Variants in VBP1 observed in about 807,000 individuals in gnomAD.
VBP1 encodes the protein prefoldin subunit 3.
Under a neutral mutation model 15.5 loss-of-function variants are expected in VBP1, and 4 were observed. That is an observed-to-expected ratio of 0.26 (90% CI 0.13 to 0.59). The LOEUF (loss-of-function observed/expected upper bound fraction) is 0.59, where lower values mean the gene tolerates loss of function less well. VBP1 is among the 20% of genes least tolerant of loss of function. The pLI, the probability that VBP1 is intolerant of heterozygous loss-of-function variation, is 0.90. For synonymous variants in VBP1, 61 were observed against 52.1 expected, an observed-to-expected ratio of 1.17 and a Z score of -0.74; for missense variants, 108 against 139.6, an observed-to-expected ratio of 0.77 and a Z score of 1.14.
At chrX:155,198,518 G>A (rs1557306963) in intron 1 of VBP1, among the ~76,000 whole-genome samples, 1 of 111,702 alleles carries the variant, frequency 9.0e-6, no homozygotes, top group Non-Finnish European at 1.9e-5. Context: ...TGGACCTCTA[G>A]CAAACTCCAA....
At chrX:155,211,897 CTGTGCCA>C (rs2124053296), upstream of VBP1, among the ~76,000 whole-genome samples, 1 of 111,894 alleles carries the variant, frequency 8.9e-6, no homozygotes, top group African/African-American at 3.2e-5. Context: ...GTTTCTTATT[CTGTGCCA>C]TATCCATGCC....
intron 4 of VBP1, among the ~76,000 whole-genome samples, chrX:155,229,653 C>T (rs2074736457): frequency 2.7e-5 from 3 of 111,381 alleles, no homozygotes. Flanking sequence ...AACTGTTCTT[C>T]TGTTTCTCTT....
chrX:155,216,452 C>T, upstream of VBP1: 1 of 1,162,717 alleles, frequency 8.6e-7, no homozygotes, highest in East Asian at 3.3e-5. Flanking sequence ...GCCGGCGGCC[C>T]GGGAGGCAGT....
chrX:155,214,768 C>CTTTTTTTTTTTTTTTTTT (rs782556765), upstream of VBP1, among the ~76,000 whole-genome samples: 29 of 83,069 alleles, frequency 3.5e-4, 1 homozygote, highest in African/African-American at 7.2e-4. Flanking sequence ...TTTTCTTTTC[C>CTTTTTTTTTTTTTTTTTT]TTTTTTTTTT....
intron 4 of VBP1, among the ~76,000 whole-genome samples, chrX:155,228,741 A>T (rs1204188329): frequency 8.9e-6 from 1 of 111,862 alleles, no homozygotes; most frequent in Admixed American, 9.5e-5. Flanking sequence ...GATAAAACTG[A>T]TCAAACAAAC....
rs781900972 is a variant in VBP1, at chrX:155,236,294, T to C, written c.450T>C (p.Thr150=). Residue 150 remains threonine (T), a synonymous_variant, in exon 5 of 6, where the codon ACT becomes ACC. Transcript: ENST00000286428. The part of the protein sequence containing the change: ...AQALLEKNLS[T]ATKNLDSLEE... ...CATTGTTGGAAAAGAATTTATCGAC[T>C]GCCACAAAGAATCTTGATTCCCTGG... 4 of 1,211,417 alleles carry C rather than the reference T, an allele frequency of 3.3e-6. No homozygotes were observed. In the Admixed American group the frequency reaches 8.7e-5, roughly 26 times the overall value.
At chrX:155,214,604 C>T (rs1175088382), upstream of VBP1, among the ~76,000 whole-genome samples, 4 of 111,640 alleles carry the variant, frequency 3.6e-5, no homozygotes, top group African/African-American at 1.3e-4. Context: ...TGAAAAACTA[C>T]AACCTTTTAA....
rs1445883302 is a variant in VBP1, at chrX:155,227,236, C to T, written c.220C>T (p.Leu74=). Residue 74 remains leucine (L), a splice_region_variant and synonymous_variant, in exon 3 of 6, where the codon CTA becomes TTA. Coordinates refer to ENST00000286428, the MANE Select transcript of VBP1 (RefSeq NM_003372.7). ...ELNLAQKKRR[L]KGQIPEIKQT... Reference sequence around the variant, plus strand: ...AGTTACTCTTTTTCTTGTTCACAGGCTAAAAGGTCAGATTCCTGAAATTAA... The same window carrying T: ...AGTTACTCTTTTTCTTGTTCACAGGTTAAAAGGTCAGATTCCTGAAATTAA... The T allele has an allele frequency of 1.7e-6, 2 of 1,184,181 alleles. No individual in the cohort carries two copies. Among genetic ancestry groups the T allele is most frequent in the Non-Finnish European group, 2.3e-6 (2 of 884,052 alleles).
At chrX:155,217,566 T>C (rs2074671057) in intron 1 of VBP1, among the ~76,000 whole-genome samples, 1 of 112,179 alleles carries the variant, frequency 8.9e-6, no homozygotes, top group Non-Finnish European at 1.9e-5. Flanking sequence ...CATTTATTTA[T>C]ACCACACTTG....
At chrX:155,199,444 G>A (rs1335303161) in intron 1 of VBP1, among the ~76,000 whole-genome samples, 40 of 111,422 alleles carry the variant, frequency 3.6e-4, no homozygotes, top group African/African-American at 1.3e-3. Flanking sequence ...AGAGAGTGAG[G>A]GCCAATATTC....
intron 2 of VBP1, among the ~76,000 whole-genome samples, chrX:155,223,974 G>A (rs1424080841): frequency 7.5e-5 from 8 of 106,883 alleles, no homozygotes; most frequent in Non-Finnish European, 1.6e-4. Context: ...GGGTGGCGGC[G>A]GGGCAGAGGT....
At chrX:155,232,977 G>A (rs2074754271) in intron 4 of VBP1, among the ~76,000 whole-genome samples, 1 of 112,724 alleles carries the variant, frequency 8.9e-6, no homozygotes, top group Non-Finnish European at 1.9e-5. Flanking sequence ...TTCAGACTGT[G>A]GAATACTATA....
At chrX:155,209,076 T>C in intron 2 of VBP1, 1 of 770,295 alleles carries the variant, frequency 1.3e-6, no homozygotes, top group Non-Finnish European at 1.9e-6. Context: ...AACATAGCCA[T>C]CTTTTGTATA....
rs182247328 is a variant in VBP1, at chrX:155,226,269, G to A, written c.219-966G>A. Reference sequence around the variant, plus strand: ...GTATCATTGTTTTCTCTCTTTAATTGACTGAATGTTTTTAGCATACTGTTT... The same window carrying A: ...GTATCATTGTTTTCTCTCTTTAATTAACTGAATGTTTTTAGCATACTGTTT... On this transcript the variant is annotated intron_variant, in intron 2 of 5. Transcript: ENST00000286428. Among the ~76,000 whole-genome samples, 86 of 111,601 alleles carry A rather than the reference G, an allele frequency of 7.7e-4. 1 individual carries two copies. The highest frequency in any genetic ancestry group is 2.6e-3 in the African/African-American group (81 of 30,734).
In VBP1 at chrX:155,236,310, G is replaced by C. The variant is rs2074772784; in HGVS notation, c.466G>C (p.Asp156His). Reference protein sequence around the residue: ...KNLSTATKNLDSLEEDLDFLR... With the variant: ...KNLSTATKNLHSLEEDLDFLR... Reference sequence around the variant, plus strand: ...TTTATCGACTGCCACAAAGAATCTTGATTCCCTGGAGGAAGACCTTGACTT... The same window carrying C: ...TTTATCGACTGCCACAAAGAATCTTCATTCCCTGGAGGAAGACCTTGACTT... Residue 156 changes from aspartate (D) to histidine (H), a missense_variant, in exon 5 of 6, where the codon GAT becomes CAT. By Grantham distance (81) the Asp-to-His change is moderately conservative. Transcript: ENST00000286428. 2 of 1,211,187 alleles carry C rather than the reference G, an allele frequency of 1.7e-6. No homozygotes were observed. The highest frequency in any genetic ancestry group is 5.9e-5 in the East Asian group (2 of 33,815).
chrX:155,202,595 A>G, intron 1 of VBP1, among the ~76,000 whole-genome samples: 1 of 108,255 alleles, frequency 9.2e-6, no homozygotes, highest in Non-Finnish European at 1.9e-5. Context: ...TACACCTTAT[A>G]CAAAAATTAA....
chrX:155,211,456 C>A (rs782163730), intron 2 of VBP1, among the ~76,000 whole-genome samples: 7 of 112,043 alleles, frequency 6.2e-5, no homozygotes, highest in Non-Finnish European at 1.3e-4. Flanking sequence ...CCCAGAGAAG[C>A]AAAGGCAAGA....
At chrX:155,198,426 G>A (rs1769361059) in intron 1 of VBP1, among the ~76,000 whole-genome samples, 1 of 111,768 alleles carries the variant, frequency 8.9e-6, no homozygotes, top group Non-Finnish European at 1.9e-5. Context: ...CCAGAGGAAT[G>A]TCAGACAGCA....
At chrX:155,202,092 T>C (rs1161169104) in intron 1 of VBP1, among the ~76,000 whole-genome samples, 2 of 111,092 alleles carry the variant, frequency 1.8e-5, no homozygotes, top group Non-Finnish European at 3.8e-5. Flanking sequence ...TACAAACCAC[T>C]GCTCAATGAA....
Sources: allele counts gnomAD v4.1 joint callset (sites outside exome capture counted in the v4.1 genomes callset), GRCh38; gene constraint gnomAD v4.1.1; transcripts MANE v1.5; gene names NCBI Gene and HGNC (gene_info 2026-07-23, HGNC 2026-07-21).